Variants in PDE1C observed in about 807,000 individuals in gnomAD.
PDE1C encodes the protein phosphodiesterase 1C.
Under a neutral mutation model 93.1 loss-of-function variants are expected in PDE1C, and 62 were observed. The observed-to-expected ratio is 0.67, with a 90% CI of 0.54 to 0.82. PDE1C has a LOEUF of 0.82. Ranked by LOEUF, PDE1C falls within the 40% of genes least tolerant of loss-of-function variation. The probability of loss-of-function intolerance (pLI) is 0.00; values close to 1 mark genes in which losing one functional copy is unlikely to be tolerated. For missense variants in PDE1C, 742 were observed against 884.6 expected (o/e 0.84, Z 2.04); for synonymous variants, 325 against 310.1 (o/e 1.05, Z -0.50).
chr7:31,988,995 C>CAAAAAAAAAAA (rs36081234), intron 2 of PDE1C, among the ~76,000 whole-genome samples: 1 of 34,154 alleles, frequency 2.9e-5, no homozygotes, highest in African/African-American at 1.1e-4. Context: ...AACTTCTTCT[C>CAAAAAAAAAAA]AAAAAAAAAA....
rs139983570 is a variant in PDE1C, at chr7:32,088,218, GCTC to G, written c.308+81564_308+81566del. On this transcript the variant is annotated intron_variant, in intron 3 of 18. Transcript: ENST00000396193. ...ATGAAGAAAAAAAGGAAGAAAAAAA[GCTC>G]CTAAAAAAAGCTGCAGAACATTTCA... Among the ~76,000 whole-genome samples the G allele has an allele frequency of 2.4e-3, 365 of 151,966 alleles. 2 individuals are homozygous for G. The highest frequency in any genetic ancestry group is 8.4e-3 in the African/African-American group (350 of 41,446).
At chr7:32,067,532 T>C (rs1431365433) in intron 1 of PDE1C, among the ~76,000 whole-genome samples, 1 of 152,194 alleles carries the variant, frequency 6.6e-6, no homozygotes, top group Non-Finnish European at 1.5e-5. Context: ...TTGCAGGTGA[T>C]AACCACAGAA....
At chr7:32,217,536 A>G (rs1806524060) in intron 1 of PDE1C, among the ~76,000 whole-genome samples, 2 of 152,222 alleles carry the variant, frequency 1.3e-5, no homozygotes, top group Admixed American at 6.5e-5. Flanking sequence ...GTATAAATGC[A>G]TATCTCTGGC....
chr7:31,902,158 T>C (rs1800057690), intron 2 of PDE1C, among the ~76,000 whole-genome samples: 2 of 151,586 alleles, frequency 1.3e-5, no homozygotes, highest in African/African-American at 4.8e-5. Context: ...AGATTTAAAA[T>C]TATATTAGGA....
At chr7:32,309,553 A>T (rs559988460) in intron 1 of PDE1C, among the ~76,000 whole-genome samples, 1 of 152,360 alleles carries the variant, frequency 6.6e-6, no homozygotes, top group South Asian at 2.1e-4. Context: ...TGGATCTCTC[A>T]GCAGAAACTC....
At chr7:31,841,227 C>CTATATATATATA (rs1554361935) in intron 9 of PDE1C, among the ~76,000 whole-genome samples, 236 of 142,282 alleles carry the variant, frequency 1.7e-3, no homozygotes, top group Non-Finnish European at 2.6e-3. Context: ...CTCTCTCTCT[C>CTATATATATATA]TATATATATA....
At chr7:32,133,226 A>G in intron 3 of PDE1C, among the ~76,000 whole-genome samples, 1 of 152,198 alleles carries the variant, frequency 6.6e-6, no homozygotes, top group Non-Finnish European at 1.5e-5. Flanking sequence ...CATACAGAAG[A>G]GCATGTCTAA....
intron 1 of PDE1C, among the ~76,000 whole-genome samples, chr7:32,419,643 C>T (rs1027063751): frequency 3.9e-5 from 6 of 152,160 alleles, no homozygotes; most frequent in African/African-American, 1.4e-4. Flanking sequence ...CCCTGGGCTT[C>T]GGCTCCCTCC....
chr7:32,279,505 G>A (rs187546934), intron 1 of PDE1C, among the ~76,000 whole-genome samples: 35 of 152,136 alleles, frequency 2.3e-4, no homozygotes, highest in African/African-American at 7.2e-4. Context: ...AATGTTTGAG[G>A]TGAAAGATTT....
intron 5 of PDE1C, among the ~76,000 whole-genome samples, chr7:31,875,052 G>A (rs991012089): frequency 2.6e-5 from 4 of 152,282 alleles, no homozygotes; most frequent in East Asian, 1.9e-4. Flanking sequence ...CCACTAGGGC[G>A]CAGGCTATAG....
chr7:32,045,107 GGTAA>G (rs1333031656), intron 2 of PDE1C, among the ~76,000 whole-genome samples: 1 of 130,696 alleles, frequency 7.7e-6, no homozygotes, highest in Non-Finnish European at 1.5e-5. Flanking sequence ...CATTAGCAAG[GGTAA>G]GTGAGTGAAT....
chr7:31,935,743 T>C (rs1388042178), intron 2 of PDE1C, among the ~76,000 whole-genome samples: 1 of 152,094 alleles, frequency 6.6e-6, no homozygotes, highest in Non-Finnish European at 1.5e-5. Context: ...ATAAATAAAA[T>C]GCTATGGGGG....
chr7:32,272,114 T>C (rs1450870), intron 1 of PDE1C, among the ~76,000 whole-genome samples: 76,447 of 152,160 alleles, frequency 0.5, 22,154 homozygotes, highest in Admixed American at 0.64. Flanking sequence ...CCTGTAGACC[T>C]TGAATCTTAA....
chr7:32,356,525 T>C (rs1310036313), intron 1 of PDE1C, among the ~76,000 whole-genome samples: 2 of 152,214 alleles, frequency 1.3e-5, no homozygotes, highest in Non-Finnish European at 2.9e-5. Context: ...AGAATCTCAT[T>C]TAGATGGGCA....
intron 2 of PDE1C, among the ~76,000 whole-genome samples, chr7:31,958,826 T>C (rs1808505910): frequency 6.6e-6 from 1 of 152,282 alleles, no homozygotes; most frequent in East Asian, 1.9e-4. Flanking sequence ...ATCCCCCTCA[T>C]ATCCTGGAGC....
intron 2 of PDE1C, among the ~76,000 whole-genome samples, chr7:32,037,881 T>A (rs1300367297): frequency 1.3e-5 from 2 of 152,112 alleles, no homozygotes; most frequent in East Asian, 3.9e-4. Context: ...TGGAGTCAGG[T>A]CAAAATTTAC....
chr7:32,347,493 T>C (rs992366026), intron 1 of PDE1C, among the ~76,000 whole-genome samples: 23 of 152,146 alleles, frequency 1.5e-4, no homozygotes, highest in African/African-American at 4.8e-4. Context: ...GTGAGTAGAA[T>C]ATAGCAAAGG....
chr7:31,697,011 A>G, the PDE1C span: 2 of 1,614,166 alleles, frequency 1.2e-6, no homozygotes, highest in Non-Finnish European at 1.7e-6. Context: ...TTCAAGAGAG[A>G]CATCCAAAGG....
At chr7:32,082,319 C>T (rs4339533) in intron 3 of PDE1C, among the ~76,000 whole-genome samples, 77,365 of 144,160 alleles carry the variant, frequency 0.54, 16,695 homozygotes, top group African/African-American at 0.61. Context: ...GAGGGGCGCC[C>T]GCCATTGCCC....
Sources: allele counts gnomAD v4.1 joint callset (sites outside exome capture counted in the v4.1 genomes callset), GRCh38; gene constraint gnomAD v4.1.1; transcripts MANE v1.5; gene names NCBI Gene and HGNC (gene_info 2026-07-23, HGNC 2026-07-21).